The following IFNG-AS1 variants were observed in gnomAD, a reference collection of about 807,000 sequenced individuals.
IFNG-AS1 encodes the protein IFNG antisense RNA 1 (non-protein coding).
chr12:68,003,419 TCC>T (rs150082058), intron 2 of IFNG-AS1, among the ~76,000 whole-genome samples: 4,875 of 137,170 alleles, frequency 0.036, 216 homozygotes, highest in African/African-American at 0.088. Flanking sequence ...CTAATCATAT[TCC>T]CCCCTTTTTT....
At chr12:68,000,960 A>C (rs1052335846) in intron 2 of IFNG-AS1, among the ~76,000 whole-genome samples, 1 of 152,190 alleles carries the variant, frequency 6.6e-6, no homozygotes, top group African/African-American at 2.4e-5. Flanking sequence ...ATTTCTATTC[A>C]AAAAGCCTAG....
chr12:68,019,014 AG>A (rs1405875489), intron 3 of IFNG-AS1, among the ~76,000 whole-genome samples: 1 of 152,140 alleles, frequency 6.6e-6, no homozygotes, highest in Non-Finnish European at 1.5e-5. Flanking sequence ...TAAAGTGTGC[AG>A]GAGGTACTCA....
At chr12:68,014,283 T>C (rs1251604986) in intron 3 of IFNG-AS1, among the ~76,000 whole-genome samples, 1 of 152,198 alleles carries the variant, frequency 6.6e-6, no homozygotes, top group East Asian at 1.9e-4. Flanking sequence ...AATGACATCT[T>C]GTCCTCTGGG....
rs1879844781 is a variant in IFNG-AS1 at position 68,003,911 on chromosome 12, A to G, written n.185-2179A>G. On this transcript the variant is annotated intron_variant and non_coding_transcript_variant, in intron 2 of 5. Coordinates refer to ENST00000536914, the Ensembl canonical transcript of IFNG-AS1. The stretch of plus-strand genomic sequence containing the variant: ...GAGAGTGAGACTCCGTCTCCAAAAA[A>G]AAAAAAAAAAGAATCCGTATTAATT... 2.2e-5 allele frequency among the ~76,000 whole-genome samples: 3 copies of G among 134,740 alleles called. No individual in the cohort carries two copies. In the South Asian group the frequency reaches 7.2e-4, roughly 32 times the overall value. 88.4% of individuals were successfully genotyped at this position (134,740 alleles called of 152,430 possible).
chr12:68,016,203 G>C (rs1195136965), intron 3 of IFNG-AS1, among the ~76,000 whole-genome samples: 6 of 152,090 alleles, frequency 3.9e-5, no homozygotes, highest in African/African-American at 1.4e-4. Flanking sequence ...AGAAGTTACA[G>C]GTGACCTCAG....
rs577428764 is a variant in IFNG-AS1 at position 68,020,454 on chromosome 12, A to C, written n.278+556A>C. 2.0e-5 allele frequency: 3 copies of C among 152,290 alleles called. 1 individual carries two copies. The highest frequency in any genetic ancestry group is 7.2e-5 in the African/African-American group (3 of 41,564). 9.4% of individuals were successfully genotyped at this position (152,290 alleles called of 1,614,324 possible). A position where few individuals can be genotyped will look rare whatever the true frequency, so the allele number is the denominator to read the frequency against. On this transcript the variant is annotated intron_variant and non_coding_transcript_variant, in intron 4 of 5. Transcript: ENST00000536914. ...ATTAAAACATACACGCAAACACACCAACACATTAAAATCTTGAGAGAGAGG... is the reference window on the plus strand; with the variant it reads ...ATTAAAACATACACGCAAACACACCCACACATTAAAATCTTGAGAGAGAGG...
intron 2 of IFNG-AS1, among the ~76,000 whole-genome samples, chr12:67,999,167 CGTG>C (rs1404942763): frequency 1.3e-5 from 2 of 151,936 alleles, no homozygotes; most frequent in Admixed American, 6.6e-5. Context: ...TGTATGAACT[CGTG>C]GTGATAGATA....
intron 3 of IFNG-AS1, among the ~76,000 whole-genome samples, chr12:68,012,428 C>T (rs1036229553): frequency 3.3e-5 from 5 of 152,132 alleles, no homozygotes; most frequent in African/African-American, 9.7e-5. Flanking sequence ...TTAGCCTCAA[C>T]AAAGAAGGCA....
At chr12:68,015,914 C>G (rs951114961) in intron 3 of IFNG-AS1, among the ~76,000 whole-genome samples, 2 of 149,342 alleles carry the variant, frequency 1.3e-5, no homozygotes, top group Non-Finnish European at 3.0e-5. Context: ...CGGTTTAGTG[C>G]CTCCATTTTC....
At chr12:68,004,984 C>T (rs1469873242) in intron 2 of IFNG-AS1, among the ~76,000 whole-genome samples, 2 of 152,198 alleles carry the variant, frequency 1.3e-5, no homozygotes, top group African/African-American at 2.4e-5. Flanking sequence ...TTTATATCCT[C>T]TACATATCCT....
chr12:68,002,726 G>T (rs1270755567), intron 2 of IFNG-AS1, among the ~76,000 whole-genome samples: 1 of 152,056 alleles, frequency 6.6e-6, no homozygotes, highest in East Asian at 1.9e-4. Context: ...AAAGTCTCTG[G>T]AGCTCATTTC....
intron 3 of IFNG-AS1, among the ~76,000 whole-genome samples, chr12:68,019,012 G>T (rs562119800): frequency 6.6e-6 from 1 of 152,170 alleles, no homozygotes; most frequent in East Asian, 1.9e-4. Context: ...CATAAAGTGT[G>T]CAGGAGGTAC....
At chr12:68,021,185 A>G (rs1880279667) in intron 4 of IFNG-AS1, 1 of 152,172 alleles carries the variant, frequency 6.6e-6, no homozygotes, top group Non-Finnish European at 1.5e-5. Context: ...ATATATACAT[A>G]GTTTGTTTTC....
intron 3 of IFNG-AS1, among the ~76,000 whole-genome samples, chr12:68,008,710 C>T (rs1025930378): frequency 2.0e-4 from 31 of 152,218 alleles, no homozygotes; most frequent in African/African-American, 7.0e-4. Flanking sequence ...CATAGTCATC[C>T]GCATCCACCA....
intron 3 of IFNG-AS1, among the ~76,000 whole-genome samples, chr12:68,015,600 C>T (rs11177005): frequency 0.11 from 16,517 of 152,164 alleles, 1,158 homozygotes; most frequent in East Asian, 0.24. Context: ...TATGATCTAC[C>T]CACTACCTCA....
At chr12:68,002,437 A>T (rs1223165850) in intron 2 of IFNG-AS1, among the ~76,000 whole-genome samples, 1 of 151,604 alleles carries the variant, frequency 6.6e-6, no homozygotes, top group African/African-American at 2.4e-5. Context: ...CCTCCCCTCA[A>T]CTCCCACCTT....
intron 3 of IFNG-AS1, among the ~76,000 whole-genome samples, chr12:68,019,699 T>C (rs1436665289): frequency 1.3e-5 from 2 of 152,190 alleles, no homozygotes; most frequent in Non-Finnish European, 2.9e-5. Context: ...AATAAAATTC[T>C]GAGATGTCTA....
intron 1 of IFNG-AS1, among the ~76,000 whole-genome samples, chr12:67,995,419 CAAAAAAAA>C (rs34141511): frequency 1.3e-5 from 1 of 78,626 alleles, no homozygotes; most frequent in Non-Finnish European, 2.2e-5. Flanking sequence ...GACTCCATTT[CAAAAAAAA>C]AAAAAAAAAA....
rs1017243638 is a variant in IFNG-AS1, at chr12:67,994,458, A to T, written n.52-1483A>T. On this transcript the variant is annotated intron_variant and non_coding_transcript_variant, in intron 1 of 5. Transcript: ENST00000536914. ...TTCCTATTACATCTATTATAATCAC[A>T]ATCCTACACTTATTTCTTGAGTAAA... Among the ~76,000 whole-genome samples the T allele has an allele frequency of 3.3e-5, 5 of 152,178 alleles. No individual in the cohort carries two copies. In the East Asian group the frequency reaches 9.6e-4, roughly 29 times the overall value.
Sources: allele counts gnomAD v4.1 joint callset (sites outside exome capture counted in the v4.1 genomes callset), GRCh38; gene constraint gnomAD v4.1.1; transcripts MANE v1.5; gene names NCBI Gene and HGNC (gene_info 2026-07-23, HGNC 2026-07-21).